Variants in PCDH15 observed in about 807,000 individuals in gnomAD.
PCDH15 encodes protocadherin related 15.
A neutral mutation model predicts 178.5 loss-of-function variants in PCDH15; 129 were observed. That is an observed-to-expected ratio of 0.72 (90% CI 0.63 to 0.84). The LOEUF (loss-of-function observed/expected upper bound fraction) is 0.84. PCDH15 is among the 40% of genes least tolerant of loss of function. PCDH15 has a pLI of 0.00. For synonymous variants in PCDH15, 800 were observed against 732.0 expected (o/e 1.09, Z -1.50); for missense variants, 2,230 against 2,099.9 (o/e 1.06, Z -1.21).
intron 2 of PCDH15, among the ~76,000 whole-genome samples, chr10:55,133,495 C>G (rs1838108133): frequency 6.6e-6 from 1 of 152,076 alleles, no homozygotes. Context: ...ATCTGATTTA[C>G]AACCCATTCA....
At chr10:54,603,511 G>T (rs528683654) in intron 2 of PCDH15, among the ~76,000 whole-genome samples, 9 of 149,120 alleles carry the variant, frequency 6.0e-5, no homozygotes, top group African/African-American at 2.2e-4. Flanking sequence ...TTCTTCCTCA[G>T]AAACATTTAA....
At chr10:54,242,583 C>T (rs1045320867) in intron 8 of PCDH15, among the ~76,000 whole-genome samples, 1 of 152,046 alleles carries the variant, frequency 6.6e-6, no homozygotes, top group Non-Finnish European at 1.5e-5. Context: ...AAAATAATAT[C>T]TATCATTTAC....
intron 3 of PCDH15, among the ~76,000 whole-genome samples, chr10:54,447,146 T>C (rs1303444590): frequency 2.0e-5 from 3 of 151,628 alleles, no homozygotes; most frequent in Non-Finnish European, 4.4e-5. Flanking sequence ...CGTTGGTGTG[T>C]CAGTGTTTGG....
chr10:55,145,781 T>A (rs1334088353), intron 2 of PCDH15, among the ~76,000 whole-genome samples: 1 of 152,002 alleles, frequency 6.6e-6, no homozygotes, highest in Non-Finnish European at 1.5e-5. Context: ...ATTTTCCTAC[T>A]GAATAACATT....
intron 2 of PCDH15, among the ~76,000 whole-genome samples, chr10:55,436,313 C>T (rs1839038818): frequency 6.6e-6 from 1 of 151,954 alleles, no homozygotes; most frequent in Non-Finnish European, 1.5e-5. Flanking sequence ...CATACAGAAA[C>T]ATATCAGTGC....
chr10:54,403,499 C>G (rs1836821050), intron 3 of PCDH15, among the ~76,000 whole-genome samples: 1 of 151,936 alleles, frequency 6.6e-6, no homozygotes, highest in African/African-American at 2.4e-5. Context: ...ACTGAATTGG[C>G]AAAAGCTGGA....
intron 2 of PCDH15, among the ~76,000 whole-genome samples, chr10:55,451,414 C>T (rs1211892671): frequency 6.6e-6 from 1 of 151,996 alleles, no homozygotes; most frequent in African/African-American, 2.4e-5. Flanking sequence ...AGGAGAATCC[C>T]TTGAACCTGG....
rs79517869 is a variant in PCDH15, at chr10:54,362,577, A to T, written c.474+6543T>A. On this transcript the variant is annotated intron_variant, in intron 5 of 37. Transcript: ENST00000644397. Reference sequence around the variant, plus strand: ...TGTTATTAATACTGAAAGAAACAGAACTTGATTAAACACAAATTCATTAAG... The same window carrying T: ...TGTTATTAATACTGAAAGAAACAGATCTTGATTAAACACAAATTCATTAAG... Among the ~76,000 whole-genome samples the T allele has an allele frequency of 9.3e-3, 1,411 of 152,216 alleles. 26 individuals are homozygous for T. The highest frequency in any genetic ancestry group is 0.032 in the African/African-American group (1,344 of 41,566).
chr10:54,467,802 T>A (rs2077631529), intron 3 of PCDH15, among the ~76,000 whole-genome samples: 1 of 151,798 alleles, frequency 6.6e-6, no homozygotes. Context: ...AGTCTCAAAC[T>A]TTTCTTTGTT....
chr10:54,996,844 C>T (rs1839657125), intron 2 of PCDH15, among the ~76,000 whole-genome samples: 1 of 152,046 alleles, frequency 6.6e-6, no homozygotes, highest in Admixed American at 6.6e-5. Context: ...GGCGCGGTGG[C>T]TCACACCTGT....
At chr10:53,888,408 A>T (rs1181363397) in intron 26 of PCDH15, among the ~76,000 whole-genome samples, 1 of 141,706 alleles carries the variant, frequency 7.1e-6, no homozygotes, top group Non-Finnish European at 1.5e-5. Flanking sequence ...TTAATATTAC[A>T]AATTTGTCTT....
chr10:54,615,037 T>A (rs961212368), intron 2 of PCDH15, among the ~76,000 whole-genome samples: 1 of 152,050 alleles, frequency 6.6e-6, no homozygotes, highest in Non-Finnish European at 1.5e-5. Context: ...GTTGGATAGG[T>A]ATTTACCCAT....
In PCDH15 at chr10:54,023,232, G is replaced by C. The variant is rs35308619; in HGVS notation, c.2221-35C>G. 5,170 of 1,592,338 alleles carry C rather than the reference G, an allele frequency of 3.2e-3. 18 individuals carry two copies. Among genetic ancestry groups the C allele is most frequent in the Non-Finnish European group, 3.9e-3 (4,550 of 1,167,494 alleles). On this transcript the variant is annotated intron_variant, in intron 18 of 37. Transcript: ENST00000644397. ...AAAACAAAAAAACAAAAAAATTCAC[G>C]TAAGTTTTGACGGGCTACTGTAAAT...
At chr10:54,125,553 A>T (rs1226004392) in intron 15 of PCDH15, among the ~76,000 whole-genome samples, 3 of 152,224 alleles carry the variant, frequency 2.0e-5, no homozygotes, top group African/African-American at 7.2e-5. Flanking sequence ...GGCAAGTCTA[A>T]GCAAAGCTGA....
intron 2 of PCDH15, among the ~76,000 whole-genome samples, chr10:55,028,619 A>G (rs971481160): frequency 3.9e-5 from 6 of 151,940 alleles, no homozygotes; most frequent in Admixed American, 2.6e-4. Flanking sequence ...TTTTCTTGAA[A>G]TGTGATCATT....
In PCDH15 at chr10:55,434,077, C is replaced by CTTTTTTTTTTT. The variant is rs60921527; in HGVS notation, c.-156+193537_-156+193547dup. On this transcript the variant is annotated intron_variant, in intron 2 of 5. Transcript: ENST00000613346. ...AATTCTCCGCTTTTTCTTTTCTTTT[C>CTTTTTTTTTTT]TTTTTTTTTTTTTTTTTTTTTGAGA... Among the ~76,000 whole-genome samples, 108 of 90,812 alleles carry CTTTTTTTTTTT rather than the reference C, an allele frequency of 1.2e-3. 1 individual carries two copies. Among genetic ancestry groups the CTTTTTTTTTTT allele is most frequent in the Middle Eastern group, 0.013 (1 of 78 alleles). 59.6% of individuals were successfully genotyped at this position (90,812 alleles called of 152,430 possible).
intron 21 of PCDH15, among the ~76,000 whole-genome samples, chr10:53,973,440 T>TA (rs957315588): frequency 2.0e-5 from 3 of 151,982 alleles, no homozygotes; most frequent in Non-Finnish European, 4.4e-5. Context: ...TAAAGTATAT[T>TA]AAAAAAATAA....
At chr10:55,032,596 A>T (rs1436989172) in intron 2 of PCDH15, among the ~76,000 whole-genome samples, 1 of 152,212 alleles carries the variant, frequency 6.6e-6, no homozygotes, top group African/African-American at 2.4e-5. Flanking sequence ...AAAATGTAAA[A>T]ATCTGTAAAA....
intron 3 of PCDH15, among the ~76,000 whole-genome samples, chr10:54,399,533 T>C (rs547734021): frequency 1.3e-5 from 2 of 152,234 alleles, no homozygotes; most frequent in East Asian, 1.9e-4. Flanking sequence ...TGACTTTCAC[T>C]TGACAATTTT....
Sources: allele counts gnomAD v4.1 joint callset (sites outside exome capture counted in the v4.1 genomes callset), GRCh38; gene constraint gnomAD v4.1.1; transcripts MANE v1.5; gene names NCBI Gene and HGNC (gene_info 2026-07-23, HGNC 2026-07-21).